The following STIM1 variants were observed in gnomAD, a reference collection of about 807,000 sequenced individuals.
STIM1 encodes the protein stromal interaction molecule 1.
In STIM1, 25 loss-of-function variants were observed where a neutral mutation model predicts 74.7. That is an observed-to-expected ratio of 0.33 (90% confidence interval 0.24 to 0.47). The LOEUF (loss-of-function observed/expected upper bound fraction) is 0.47, where lower values mean the gene tolerates loss of function less well. Among genes scored for constraint, STIM1 ranks in the 20% least tolerant of loss-of-function variants. The pLI is 1.00. For missense variants in STIM1, 728 were observed against 920.8 expected (o/e 0.79, Z 2.71); for synonymous variants, 328 against 348.8 (o/e 0.94, Z 0.66).
intron 4 of STIM1, among the ~76,000 whole-genome samples, chr11:4,057,698 G>A (rs553014359): frequency 6.8e-4 from 104 of 152,080 alleles, no homozygotes; most frequent in Non-Finnish European, 9.1e-4. Context: ...GTGAAACCCC[G>A]TCTCTACTAA....
At chr11:4,049,249 C>T (rs947097125) in intron 3 of STIM1, among the ~76,000 whole-genome samples, 6 of 151,670 alleles carry the variant, frequency 4.0e-5, no homozygotes, top group Middle Eastern at 3.4e-3. Flanking sequence ...GTACTTCTTG[C>T]ACAAAACTGA....
At chr11:3,947,112 T>C (rs75959972) in intron 1 of STIM1, among the ~76,000 whole-genome samples, 4,797 of 152,020 alleles carry the variant, frequency 0.032, 184 homozygotes, top group East Asian at 0.17. Context: ...TTTTTTTTTT[T>C]TTTCTTTCTG....
chr11:3,975,181 T>C (rs940167742), intron 2 of STIM1, among the ~76,000 whole-genome samples: 1 of 152,216 alleles, frequency 6.6e-6, no homozygotes, highest in Non-Finnish European at 1.5e-5. Flanking sequence ...ATTATAGTAG[T>C]CTAGTGACTT....
chr11:4,002,507 A>G (rs1257679825), intron 2 of STIM1, among the ~76,000 whole-genome samples: 1 of 150,624 alleles, frequency 6.6e-6, no homozygotes, highest in Admixed American at 6.6e-5. Context: ...TAACGAAATG[A>G]AGGCAGAAAT....
At chr11:3,937,548 C>A (rs1278432505) in intron 1 of STIM1, among the ~76,000 whole-genome samples, 1 of 152,022 alleles carries the variant, frequency 6.6e-6, no homozygotes, top group African/African-American at 2.4e-5. Flanking sequence ...AAAAATGGAT[C>A]TTTCACAGAA....
chr11:3,984,652 T>G (rs1028377329), intron 2 of STIM1, among the ~76,000 whole-genome samples: 10 of 152,248 alleles, frequency 6.6e-5, no homozygotes, highest in African/African-American at 2.4e-4. Context: ...AGAATAGCTT[T>G]AGAATAAACT....
chr11:3,955,925 T>A (rs74051567), intron 1 of STIM1, among the ~76,000 whole-genome samples: 1,724 of 151,792 alleles, frequency 0.011, 34 homozygotes, highest in African/African-American at 0.04. Flanking sequence ...TAAAAATTTT[T>A]TTATTATTAT....
At chr11:3,945,228 A>G (rs1590590107) in intron 1 of STIM1, among the ~76,000 whole-genome samples, 2 of 152,182 alleles carry the variant, frequency 1.3e-5, no homozygotes, top group Non-Finnish European at 2.9e-5. Context: ...GAATTTAAAT[A>G]AGGCAGTATA....
At chr11:4,050,705 G>C (rs946111918) in intron 3 of STIM1, among the ~76,000 whole-genome samples, 1 of 152,112 alleles carries the variant, frequency 6.6e-6, no homozygotes, top group African/African-American at 2.4e-5. Context: ...TTTCCCCCAT[G>C]TAGTCAGAAA....
intron 1 of STIM1, among the ~76,000 whole-genome samples, chr11:3,936,680 G>C (rs2092935604): frequency 6.6e-6 from 1 of 152,206 alleles, no homozygotes; most frequent in Admixed American, 6.5e-5. Flanking sequence ...AGTGGCTGCA[G>C]CCCATTCTGG....
At chr11:3,874,577 G>GTCCT (rs1246175761) in intron 1 of STIM1, among the ~76,000 whole-genome samples, 1 of 152,210 alleles carries the variant, frequency 6.6e-6, no homozygotes, top group African/African-American at 2.4e-5. Flanking sequence ...ATGATTTCAT[G>GTCCT]TCCTCTTATC....
chr11:4,083,547 G>C, intron 10 of STIM1, 49 bp downstream of exon 10: 1 of 1,548,412 alleles, frequency 6.5e-7, no homozygotes, highest in Non-Finnish European at 8.8e-7. Flanking sequence ...TGATGTACAG[G>C]TTGAGAAGTC....
intron 1 of STIM1, among the ~76,000 whole-genome samples, chr11:3,896,276 G>A (rs1196982759): frequency 6.6e-6 from 1 of 152,120 alleles, no homozygotes; most frequent in Non-Finnish European, 1.5e-5. Context: ...GTTATTTTAT[G>A]TACTAGGCAA....
intron 1 of STIM1, among the ~76,000 whole-genome samples, chr11:3,937,907 C>T (rs1255713199): frequency 3.3e-5 from 5 of 151,882 alleles, no homozygotes; most frequent in African/African-American, 1.2e-4. Flanking sequence ...TTTAACTTCA[C>T]CTAGGATCTT....
chr11:3,945,264 G>A (rs894499888), intron 1 of STIM1, among the ~76,000 whole-genome samples: 1 of 152,158 alleles, frequency 6.6e-6, no homozygotes, highest in Non-Finnish European at 1.5e-5. Context: ...CTAGTGCCTG[G>A]CATATGGTAA....
chr11:3,910,248 T>C (rs1432635642), intron 1 of STIM1, among the ~76,000 whole-genome samples: 1 of 152,244 alleles, frequency 6.6e-6, no homozygotes, highest in African/African-American at 2.4e-5. Flanking sequence ...CTGGTCATAA[T>C]GACCTGTGTT....
rs375604403 is a variant in STIM1, at chr11:4,082,991, C to T, written c.1238+9C>T. 3 of 1,607,308 alleles carry T rather than the reference C, an allele frequency of 1.9e-6. No homozygotes were observed. The African/African-American group carries it at 4.0e-5, about 21-fold the overall frequency. On this transcript the variant is annotated intron_variant, in intron 9 of 12. Coordinates refer to ENST00000526596, the MANE Select transcript of STIM1 (RefSeq NM_001382567.1). ...AAAATTCTAACAGCTAAGTAAGTAA[C>T]ACCAGTTATCTACTCTGGCAATGTC... is the stretch of plus-strand genomic sequence containing the variant.
chr11:4,055,735 C>T (rs1453896743), intron 4 of STIM1, 98 bp downstream of exon 4: 56 of 872,528 alleles, frequency 6.4e-5, no homozygotes, highest in Non-Finnish European at 6.5e-5. Flanking sequence ...TGAGGTTCTG[C>T]CTTTTTCAGG....
At chr11:4,084,317 G>C (rs1227399541) in intron 10 of STIM1, among the ~76,000 whole-genome samples, 1 of 152,220 alleles carries the variant, frequency 6.6e-6, no homozygotes. Flanking sequence ...GGCCGGGGCT[G>C]GGTTAGGGGC....
Sources: allele counts gnomAD v4.1 joint callset (sites outside exome capture counted in the v4.1 genomes callset), GRCh38; gene constraint gnomAD v4.1.1; transcripts MANE v1.5; gene names NCBI Gene and HGNC (gene_info 2026-07-23, HGNC 2026-07-21).